ANXA9: variants seen among roughly 807,000 people sequenced by gnomAD.
The protein encoded by ANXA9 is annexin A9, also known as annexin 31.
A neutral mutation model predicts 51.8 loss-of-function variants in ANXA9; 47 were observed. The observed-to-expected ratio is 0.91, with a 90% CI of 0.72 to 1.16. ANXA9 has a LOEUF of 1.16. ANXA9 is among the 50% of genes most tolerant of loss of function. The pLI is 0.00. For missense variants in ANXA9, 361 were observed against 424.7 expected, an observed-to-expected ratio of 0.85 and a Z score of 1.32; for synonymous variants, 154 against 168.7, an observed-to-expected ratio of 0.91 and a Z score of 0.68.
chr1:150,981,831 C>A (rs1271585928), upstream of ANXA9, among the ~76,000 whole-genome samples: 1 of 152,226 alleles, frequency 6.6e-6, no homozygotes, highest in Non-Finnish European at 1.5e-5. Flanking sequence ...GGGCTGGGAC[C>A]CCCTCTGGGG....
intron 10 of ANXA9, 38 bp downstream of exon 10, chr1:150,987,994 A>G (rs1264390911): frequency 5.0e-6 from 8 of 1,613,744 alleles, no homozygotes; most frequent in Middle Eastern, 1.6e-4. Flanking sequence ...GCTTGCTCTA[A>G]TGATCAGTTT....
upstream of ANXA9, among the ~76,000 whole-genome samples, chr1:150,977,497 G>A (rs1430096661): frequency 6.6e-6 from 1 of 152,204 alleles, no homozygotes; most frequent in African/African-American, 2.4e-5. Context: ...TGCCCCAAGT[G>A]CTGCCTGCCT....
upstream of ANXA9, among the ~76,000 whole-genome samples, chr1:150,980,296 G>A (rs1398125530): frequency 6.6e-6 from 1 of 151,598 alleles, no homozygotes; most frequent in African/African-American, 2.4e-5. Flanking sequence ...CTCGGGAGGC[G>A]GAGGCAGGAG....
chr1:150,995,345 T>A lies in ANXA9; in HGVS notation c.*23T>A. The A allele has an allele frequency of 6.3e-7, 1 of 1,586,352 alleles. No individual in the cohort carries two copies. Among genetic ancestry groups the A allele is most frequent in the South Asian group, 1.1e-5 (1 of 87,388 alleles). On this transcript the variant is annotated 3_prime_UTR_variant, in exon 14 of 14. Transcript: ENST00000368947. ...TGAGACTTCCCTGCCCCACCCCACA[T>A]GACATCCGAGGATCTGAGATTTCCG...
In ANXA9 at chr1:150,984,066, A is replaced by G; in HGVS notation, c.264A>G (p.Gln88=). 1 of 1,610,476 alleles carries G rather than the reference A, an allele frequency of 6.2e-7. No individual in the cohort carries two copies. Among genetic ancestry groups the G allele is most frequent in the Middle Eastern group, 1.7e-4 (1 of 6,038 alleles). ...LISRNFQERT[Q]QDLMKSLQAA... ...CACGAAACTTCCAGGAGCGCACCCA[A>G]CAGGTGAGGCCATGCTGACCTCCCA... Residue 88 remains glutamine (Q), a synonymous_variant, in exon 5 of 14, where the codon CAA becomes CAG. Coordinates refer to ENST00000368947, the MANE Select transcript of ANXA9 (RefSeq NM_003568.3).
chr1:150,989,788 A>G (rs1671654543), intron 12 of ANXA9, among the ~76,000 whole-genome samples: 1 of 152,150 alleles, frequency 6.6e-6, no homozygotes, highest in South Asian at 2.1e-4. Flanking sequence ...AATATAAGCA[A>G]TTGTTCTGTC....
At position 150,984,065 on chromosome 1, in the gene ANXA9, A is replaced by G. The variant is rs1330278873; in HGVS notation, c.263A>G (p.Gln88Arg). Residue 88 changes from glutamine (Q) to arginine (R), a missense_variant, in exon 5 of 14, where the codon CAA becomes CGA. By Grantham distance (43) the Gln-to-Arg change is conservative. Coordinates refer to ENST00000368947, the MANE Select transcript of ANXA9 (RefSeq NM_003568.3). ...LISRNFQERTQQDLMKSLQAA... is the reference protein window; with the variant it reads ...LISRNFQERTRQDLMKSLQAA... ...TCACGAAACTTCCAGGAGCGCACCC[A>G]ACAGGTGAGGCCATGCTGACCTCCC... 1 of 1,610,516 alleles carries G rather than the reference A, an allele frequency of 6.2e-7. No homozygotes were observed. The highest frequency in any genetic ancestry group is 8.5e-7 in the Non-Finnish European group (1 of 1,178,906).
Position 150,987,906 on chromosome 1 carries a change from AAAC to A in ANXA9, c.649_651del (p.Thr217del), listed in dbSNP as rs750676547. Reference sequence around the variant, plus strand: ...CGGGCAGAAGGACCTAGCAGAGAGGAAACATGGGTCCCAGTCTTCACCCAGCGA... The same window carrying A: ...CGGGCAGAAGGACCTAGCAGAGAGGAATGGGTCCCAGTCTTCACCCAGCGA... On this transcript the variant is annotated inframe_deletion, in exon 10 of 14. Coordinates refer to ENST00000368947, the MANE Select transcript of ANXA9 (RefSeq NM_003568.3). 2 of 1,614,016 alleles carry A rather than the reference AAAC, an allele frequency of 1.2e-6. No individual in the cohort carries two copies. The highest frequency in any genetic ancestry group is 2.7e-5 in the African/African-American group (2 of 74,918).
intron 12 of ANXA9, among the ~76,000 whole-genome samples, chr1:150,990,103 G>A (rs1224391396): frequency 6.6e-6 from 1 of 151,916 alleles, no homozygotes; most frequent in Non-Finnish European, 1.5e-5. Context: ...GAGGTCAGGA[G>A]TTCAAGACCA....
At chr1:150,994,466 C>T in intron 12 of ANXA9, 111 bp from the exon 13 acceptor site, 1 of 1,512,222 alleles carries the variant, frequency 6.6e-7, no homozygotes, top group Non-Finnish European at 9.0e-7. Context: ...CACTCTTATC[C>T]CTTGACTCCC....
Position 150,986,168 on chromosome 1 carries a change from G to A in ANXA9, c.473-168G>A, listed in dbSNP as rs587633888. ...ACTTAGAGATGTTTTTAGAGTGGCCGTGATGGTACTTGTGCCTTACATCCT... is the reference window on the plus strand; with the variant it reads ...ACTTAGAGATGTTTTTAGAGTGGCCATGATGGTACTTGTGCCTTACATCCT... On this transcript the variant is annotated intron_variant, in intron 7 of 13. Transcript: ENST00000368947. 7.2e-5 allele frequency among the ~76,000 whole-genome samples: 11 copies of A among 152,282 alleles called. No individual in the cohort carries two copies. In the South Asian group the frequency reaches 8.3e-4, roughly 11 times the overall value.
In ANXA9 at chr1:150,994,660, C is replaced by G. The variant is rs372610634; in HGVS notation, c.936C>G (p.Phe312Leu). 6.8e-6 allele frequency: 11 copies of G among 1,613,972 alleles called. No homozygotes were observed. The highest frequency in any genetic ancestry group is 1.3e-5 in the African/African-American group (1 of 74,918). ...ACCTTCTGAGTATCAGAGCTGAGTT[C>G]AGGAAGAAATTTGGGAAGTCCCTCT... ...ETDLLSIRAE[F>L]RKKFGKSLYS... Residue 312 changes from phenylalanine to leucine, a missense_variant, in exon 13 of 14, where the codon TTC (phenylalanine) becomes TTG (leucine). By Grantham distance (22) the Phe-to-Leu change is conservative. Coordinates refer to ENST00000368947, the MANE Select transcript of ANXA9 (RefSeq NM_003568.3).
chr1:150,988,320 C>G lies in ANXA9; in HGVS notation c.831C>G (p.Asp277Glu). The G allele has an allele frequency of 1.9e-6, 3 of 1,614,134 alleles. No homozygotes were observed. Among genetic ancestry groups the G allele is most frequent in the East Asian group, 2.2e-5 (1 of 44,882 alleles). The change falls in exon 12 of 14, where the codon GAC becomes GAG. Residue 277 changes from aspartate to glutamate, a missense_variant. By Grantham distance (45) the Asp-to-Glu change is conservative. Coordinates refer to ENST00000368947, the MANE Select transcript of ANXA9 (RefSeq NM_003568.3). ...AGAACACACCGCTGTACTTTGCTGA[C>G]AAACTTCATCAAGCCCTCCAGGTGA... ...VIKNTPLYFA[D>E]KLHQALQETE... is the part of the protein sequence containing the mutation.
intron 4 of ANXA9, among the ~76,000 whole-genome samples, chr1:150,983,718 G>C (rs1183136656): frequency 6.6e-6 from 1 of 152,176 alleles, no homozygotes; most frequent in Non-Finnish European, 1.5e-5. Flanking sequence ...TTCTCATCTA[G>C]GTCAGCCGAT....
chr1:150,988,770 G>T (rs181160179), intron 12 of ANXA9, among the ~76,000 whole-genome samples: 1 of 152,106 alleles, frequency 6.6e-6, no homozygotes, highest in African/African-American at 2.4e-5. Context: ...ATATCCATCC[G>T]TATCTTATAG....
At chr1:150,983,256 T>C (rs997428823) in intron 3 of ANXA9, 76 bp downstream of exon 3, 4 of 1,599,072 alleles carry the variant, frequency 2.5e-6, no homozygotes, top group Admixed American at 1.7e-5. Flanking sequence ...GGCAGGAAAG[T>C]GGAGGACAGG....
upstream of ANXA9, among the ~76,000 whole-genome samples, chr1:150,979,405 G>A (rs374067373): frequency 2.0e-5 from 3 of 152,122 alleles, no homozygotes; most frequent in Non-Finnish European, 4.4e-5. Flanking sequence ...CCCCGGCTGC[G>A]GAGCTGCAGT....
intron 12 of ANXA9, among the ~76,000 whole-genome samples, chr1:150,993,769 G>T (rs1382230053): frequency 1.3e-5 from 2 of 151,468 alleles, no homozygotes; most frequent in Non-Finnish European, 2.9e-5. Context: ...CAAGTAGCTG[G>T]GATTGCAGGC....
intron 7 of ANXA9, 48 bp from the exon 8 acceptor site, chr1:150,986,288 C>A: frequency 6.4e-7 from 1 of 1,570,452 alleles, no homozygotes; most frequent in Non-Finnish European, 8.8e-7. Flanking sequence ...GGGATATCTA[C>A]ACTAGGAAAA....
Sources: allele counts gnomAD v4.1 joint callset (sites outside exome capture counted in the v4.1 genomes callset), GRCh38; gene constraint gnomAD v4.1.1; transcripts MANE v1.5; gene names NCBI Gene and HGNC (gene_info 2026-07-23, HGNC 2026-07-21).